Variants in SRPRA observed in about 807,000 individuals in gnomAD.
SRPRA encodes the protein signal recognition particle receptor subunit alpha.
In SRPRA, 30 loss-of-function variants were observed where a neutral mutation model predicts 61.1. The ratio of observed to expected loss-of-function variants is 0.49; its 90% CI spans 0.37 to 0.67. The LOEUF (loss-of-function observed/expected upper bound fraction) is 0.67. Ranked by LOEUF, SRPRA falls within the 30% of genes least tolerant of loss-of-function variation. SRPRA has a pLI of 0.00. For synonymous variants in SRPRA, 324 were observed against 299.7 expected (o/e 1.08, Z -0.84); for missense variants, 759 against 828.4 (o/e 0.92, Z 1.03).
At chr11:126,237,022 T>C in the SRPRA span, among the ~76,000 whole-genome samples, 12 of 149,136 alleles carry the variant, frequency 8.0e-5, no homozygotes, top group African/African-American at 2.7e-4. Flanking sequence ...GTTCACACCA[T>C]TCTCCTGCCT....
Position 126,265,600 on chromosome 11 carries a change from C to T in SRPRA, c.1138+137G>A, listed in dbSNP as rs2135239353. The T allele has an allele frequency of 8.2e-7, 1 of 1,221,500 alleles. No individual in the cohort carries two copies. The highest frequency in any genetic ancestry group is 2.5e-5 in the East Asian group (1 of 39,994). 75.7% of individuals were successfully genotyped at this position (1,221,500 alleles called of 1,614,324 possible). On this transcript the variant is annotated intron_variant, in intron 9 of 13. Transcript: ENST00000332118. This position sits in a 1 kb window ranked among gnomAD's most constrained non-coding sequence, Gnocchi z 6.3. The stretch of plus-strand genomic sequence containing the variant: ...ATTACAAGGACTAACTCACTGAATC[C>T]TCTCAATAACCCTTAAAATCTAGGT...
Position 126,265,070 on chromosome 11 carries a change from A to G in SRPRA, c.1414T>C (p.Leu472=), listed in dbSNP as rs761323833. 2.5e-5 allele frequency: 41 copies of G among 1,614,018 alleles called. No individual in the cohort carries two copies. The highest frequency in any genetic ancestry group is 4.0e-5 in the African/African-American group (3 of 74,906). The change falls in exon 11 of 14, where the codon TTG becomes CTG. Residue 472 remains leucine, a synonymous_variant. Transcript: ENST00000332118. The surrounding 1 kb of genome is among the most constrained non-coding windows in gnomAD (Gnocchi z 6.3). ...VEQLRTHTRR[L]SALHPPEKHG... Reference sequence around the variant, plus strand: ...TTCTCTGGAGGGTGTAGGGCACTCAAACGCCGGGTGTGTGTACGCAGCTGC... The same window carrying G: ...TTCTCTGGAGGGTGTAGGGCACTCAGACGCCGGGTGTGTGTACGCAGCTGC...
chr11:126,240,826 CG>C, the SRPRA span: 2 of 1,610,524 alleles, frequency 1.2e-6, no homozygotes, highest in Non-Finnish European at 1.7e-6. Context: ...TAAGAAGCCT[CG>C]AGAACTTGTG....
At chr11:126,252,638 G>A in the SRPRA span, among the ~76,000 whole-genome samples, 1 of 152,160 alleles carries the variant, frequency 6.6e-6, no homozygotes, top group Non-Finnish European at 1.5e-5. The surrounding 1 kb of genome is among the most constrained non-coding windows in gnomAD (Gnocchi z 4.7). Context: ...AGCTACTTGG[G>A]AGGCTGAAGC....
rs1434378414 is a variant in SRPRA, at chr11:126,265,466, C to G, written c.1139-26G>C. On this transcript the variant is annotated intron_variant, in intron 9 of 13. Coordinates refer to ENST00000332118, the MANE Select transcript of SRPRA (RefSeq NM_003139.4). The surrounding 1 kb of genome is among the most constrained non-coding windows in gnomAD (Gnocchi z 6.3). ...CTGAAAGGGGAGGTGGAGGAGGTTGCAGCTGTGAAACTCAAGGAATGCTCT... is the reference window on the plus strand; with the variant it reads ...CTGAAAGGGGAGGTGGAGGAGGTTGGAGCTGTGAAACTCAAGGAATGCTCT... 6.3e-7 allele frequency: 1 copy of G among 1,599,598 alleles called. No individual in the cohort carries two copies. Among genetic ancestry groups the G allele is most frequent in the South Asian group, 1.1e-5 (1 of 90,098 alleles).
Position 126,267,438 on chromosome 11 carries a change from T to C in SRPRA, c.366-103A>G, listed in dbSNP as rs962544624. The C allele has an allele frequency of 5.7e-6, 9 of 1,584,214 alleles. 1 individual carries two copies. The South Asian group carries it at 1.0e-4, about 18-fold the overall frequency. ...ACCCAAGAGGACAATGAGAACTGGG[T>C]AGCAAATTAGGAATGTCTTTGAACA... On this transcript the variant is annotated intron_variant, in intron 3 of 13. Transcript: ENST00000332118. The surrounding 1 kb of genome is among the most constrained non-coding windows in gnomAD (Gnocchi z 4.2).
chr11:126,256,567 A>C, the SRPRA span: 2 of 1,612,940 alleles, frequency 1.2e-6, no homozygotes, highest in Non-Finnish European at 1.7e-6. The surrounding 1 kb of genome is among the most constrained non-coding windows in gnomAD (Gnocchi z 6.6). Context: ...TTCCTTCCAG[A>C]GAGAAATTCA....
At chr11:126,247,189 G>C in the SRPRA span, among the ~76,000 whole-genome samples, 1 of 152,148 alleles carries the variant, frequency 6.6e-6, no homozygotes, top group South Asian at 2.1e-4. Context: ...CCACTTGGGA[G>C]ACTGAGGCAG....
rs886736372 is a variant in SRPRA, at chr11:126,267,641, C to T, written c.273G>A (p.Arg91=). The T allele has an allele frequency of 7.4e-6, 12 of 1,613,974 alleles. No individual in the cohort carries two copies. Among genetic ancestry groups the T allele is most frequent in the Non-Finnish European group, 1.0e-5 (12 of 1,180,046 alleles). ...KLIDDVHRLF[R]DKYRTEIQQQ... The stretch of plus-strand genomic sequence containing the variant: ...GTTGGATCTCTGTGCGGTACTTGTC[C>T]CGAAACAGCCGATGCACGTCATCTA... The change falls in exon 3 of 14, where the codon CGG becomes CGA. Residue 91 remains arginine, a synonymous_variant. Coordinates refer to ENST00000332118, the MANE Select transcript of SRPRA (RefSeq NM_003139.4). The surrounding 1 kb of genome is among the most constrained non-coding windows in gnomAD (Gnocchi z 4.2).
the SRPRA span, among the ~76,000 whole-genome samples, chr11:126,248,773 CT>C: frequency 6.6e-6 from 1 of 152,206 alleles, no homozygotes; most frequent in Non-Finnish European, 1.5e-5. Flanking sequence ...TTAATCACGT[CT>C]TACTAGGTCT....
chr11:126,244,768 A>G, the SRPRA span, among the ~76,000 whole-genome samples: 1 of 152,156 alleles, frequency 6.6e-6, no homozygotes, highest in African/African-American at 2.4e-5. The surrounding 1 kb of genome is among the most constrained non-coding windows in gnomAD (Gnocchi z 4.5). Context: ...CCTCCACTGC[A>G]CTCCAGCCTG....
Position 126,266,649 on chromosome 11 carries a change from A to G in SRPRA, c.687-20T>C, listed in dbSNP as rs564199521. ...GACTTGCTGCAACAGGTTATGATACAAAGAGTTATGGTGGAGAAGTAGGAA... is the reference window on the plus strand; with the variant it reads ...GACTTGCTGCAACAGGTTATGATACGAAGAGTTATGGTGGAGAAGTAGGAA... On this transcript the variant is annotated intron_variant, in intron 5 of 13. Coordinates refer to ENST00000332118, the MANE Select transcript of SRPRA (RefSeq NM_003139.4). 1 of 1,612,902 alleles carries G rather than the reference A, an allele frequency of 6.2e-7. No homozygotes were observed. Among genetic ancestry groups the G allele is most frequent in the South Asian group, 1.1e-5 (1 of 90,914 alleles).
chr11:126,237,239 G>GTT, the SRPRA span, among the ~76,000 whole-genome samples: 1 of 1,882 alleles, frequency 5.3e-4, no homozygotes, highest in African/African-American at 1.4e-3. Context: ...TTTTTTTTTT[G>GTT]AGATGGAGTC....
At chr11:126,254,221 C>G in the SRPRA span, 97 of 1,508,038 alleles carry the variant, frequency 6.4e-5, no homozygotes, top group Non-Finnish European at 8.6e-5. Context: ...AAGTCTAGTC[C>G]TCAAAACAGC....
intron 1 of SRPRA, 121 bp from the exon 2 acceptor site, chr11:126,268,207 G>A: frequency 1.3e-6 from 1 of 782,464 alleles, no homozygotes; most frequent in East Asian, 2.6e-5. Flanking sequence ...TCTGTCCCCA[G>A]GACAAGAGGA....
chr11:126,256,562 T>C, the SRPRA span: 12 of 1,612,790 alleles, frequency 7.4e-6, no homozygotes, highest in African/African-American at 1.3e-5. The surrounding 1 kb of genome is among the most constrained non-coding windows in gnomAD (Gnocchi z 6.6). Context: ...ATCTTTTCCT[T>C]CCAGAGAGAA....
At chr11:126,268,382 C>T (rs1295094120) in intron 1 of SRPRA, among the ~76,000 whole-genome samples, 3 of 152,156 alleles carry the variant, frequency 2.0e-5, no homozygotes, top group Admixed American at 6.5e-5. Flanking sequence ...AGGTGTTTTC[C>T]CATCTGTTAT....
rs1565347756 is a variant in SRPRA at position 126,267,642 on chromosome 11, C to T, written c.272G>A (p.Arg91Gln). ...KLIDDVHRLF[R>Q]DKYRTEIQQQ... ...TTGGATCTCTGTGCGGTACTTGTCC[C>T]GAAACAGCCGATGCACGTCATCTAT... The change falls in exon 3 of 14, where the codon CGG becomes CAG. Residue 91 changes from arginine (R) to glutamine (Q), a missense_variant. Transcript: ENST00000332118. This position sits in a 1 kb window ranked among gnomAD's most constrained non-coding sequence, Gnocchi z 4.2. 6 of 1,613,972 alleles carry T rather than the reference C, an allele frequency of 3.7e-6. No individual in the cohort carries two copies. Among genetic ancestry groups the T allele is most frequent in the Admixed American group, 1.7e-5 (1 of 60,010 alleles).
the SRPRA span, among the ~76,000 whole-genome samples, chr11:126,252,591 A>C: frequency 6.6e-6 from 1 of 152,056 alleles, no homozygotes; most frequent in African/African-American, 2.4e-5. This position sits in a 1 kb window ranked among gnomAD's most constrained non-coding sequence, Gnocchi z 4.7. Context: ...AAAAGTTTAA[A>C]AATTAGCCGG....
Sources: allele counts gnomAD v4.1 joint callset (sites outside exome capture counted in the v4.1 genomes callset), GRCh38; gene constraint gnomAD v4.1.1; non-coding constraint Gnocchi (gnomAD v3.1); transcripts MANE v1.5; gene names NCBI Gene and HGNC (gene_info 2026-07-23, HGNC 2026-07-21).